Variants in CRYBB1 observed in about 807,000 individuals in gnomAD.
The protein encoded by CRYBB1 is beta-crystallin B1.
A neutral mutation model predicts 29.5 loss-of-function variants in CRYBB1; 16 were observed. The ratio of observed to expected loss-of-function variants is 0.54; its 90% CI spans 0.37 to 0.82. The LOEUF (loss-of-function observed/expected upper bound fraction) is 0.82, where lower values mean the gene tolerates loss of function less well. Ranked by LOEUF, CRYBB1 falls within the 40% of genes least tolerant of loss-of-function variation. The probability of loss-of-function intolerance (pLI) is 0.00; values close to 1 mark genes in which losing one functional copy is unlikely to be tolerated. For synonymous variants in CRYBB1, 127 were observed against 136.7 expected (o/e 0.93, Z 0.49); for missense variants, 300 against 350.5 (o/e 0.86, Z 1.15).
chr22:26,599,686 T>C lies in CRYBB1; in HGVS notation c.576-13A>G. On this transcript the variant is annotated splice_polypyrimidine_tract_variant and intron_variant, in intron 5 of 5. Transcript: ENST00000647684. ...ATAGCCAACCCATCTGAGAGAAAAGTGAGAAGGACAGAGTGGAGACAGCCT... is the reference window on the plus strand; with the variant it reads ...ATAGCCAACCCATCTGAGAGAAAAGCGAGAAGGACAGAGTGGAGACAGCCT... The C allele has an allele frequency of 1.2e-6, 2 of 1,612,524 alleles. No homozygotes were observed. The highest frequency in any genetic ancestry group is 2.2e-5 in the South Asian group (2 of 91,052).
intron 4 of CRYBB1, 83 bp downstream of exon 4, chr22:26,607,806 T>G (rs1602325170): frequency 6.3e-7 from 1 of 1,598,602 alleles, no homozygotes; most frequent in Admixed American, 1.7e-5. Flanking sequence ...CATCATCTCC[T>G]TCTTGCCCTT....
At chr22:26,616,602 G>A (rs1569208281) in intron 1 of CRYBB1, among the ~76,000 whole-genome samples, 1 of 152,046 alleles carries the variant, frequency 6.6e-6, no homozygotes, top group South Asian at 2.1e-4. Flanking sequence ...CCATTACCCC[G>A]CTAGGTCCTT....
chr22:26,605,796 A>G (rs1236603757), intron 4 of CRYBB1, among the ~76,000 whole-genome samples: 1 of 150,834 alleles, frequency 6.6e-6, no homozygotes, highest in Non-Finnish European at 1.5e-5. Flanking sequence ...TTCCCACGAC[A>G]GGGGGCTGGA....
chr22:26,600,513 A>G (rs1928788367), intron 5 of CRYBB1, among the ~76,000 whole-genome samples: 1 of 152,176 alleles, frequency 6.6e-6, no homozygotes, highest in South Asian at 2.1e-4. Flanking sequence ...TCTGCCATTG[A>G]TTTACTAGCT....
intron 4 of CRYBB1, among the ~76,000 whole-genome samples, chr22:26,607,264 C>T (rs1424926952): frequency 3.9e-5 from 6 of 152,096 alleles, no homozygotes; most frequent in African/African-American, 1.4e-4. Flanking sequence ...CTTGGGTAAC[C>T]ACCCACCTCA....
chr22:26,599,705 A>G (rs759908428), intron 5 of CRYBB1, 32 bp from the exon 6 acceptor site: 6 of 1,584,070 alleles, frequency 3.8e-6, no homozygotes, highest in Non-Finnish European at 5.2e-6. Flanking sequence ...CAGAGTGGAG[A>G]CAGCCTGTCT....
chr22:26,614,938 G>T (rs1180995705), intron 2 of CRYBB1, among the ~76,000 whole-genome samples: 6 of 152,128 alleles, frequency 3.9e-5, no homozygotes, highest in Admixed American at 3.9e-4. Context: ...ACAGACACAG[G>T]TTGAGGATAG....
chr22:26,606,067 A>T (rs1928968242), intron 4 of CRYBB1, among the ~76,000 whole-genome samples: 1 of 152,208 alleles, frequency 6.6e-6, no homozygotes, highest in African/African-American at 2.4e-5. Context: ...AGTGTATTTT[A>T]TGTGTAGCCC....
Position 26,599,657 on chromosome 22 carries a change from A to G in CRYBB1, c.592T>C (p.Tyr198His), listed in dbSNP as rs561349050. The G allele has an allele frequency of 9.3e-6, 15 of 1,614,090 alleles. 1 individual carries two copies. The South Asian group carries it at 1.6e-4, about 18-fold the overall frequency. ...TACTGGTACCCGCGGTAGCCAGGATACTGATAGCCAACCCATCTGAGAGAA... is the reference window on the plus strand; with the variant it reads ...TACTGGTACCCGCGGTAGCCAGGATGCTGATAGCCAACCCATCTGAGAGAA... The part of the protein sequence containing the change: ...VSSGTWVGYQ[Y>H]PGYRGYQYLL... Residue 198 changes from tyrosine (Y) to histidine (H), a missense_variant, in exon 6 of 6, where the codon TAT (tyrosine) becomes CAT (histidine). Physicochemically the swap from Tyr to His is moderately conservative, Grantham distance 83 (BLOSUM62 2). Transcript: ENST00000647684.
intron 4 of CRYBB1, among the ~76,000 whole-genome samples, chr22:26,603,490 A>G (rs1928885634): frequency 6.6e-6 from 1 of 151,800 alleles, no homozygotes; most frequent in African/African-American, 2.4e-5. Context: ...AGATCACACC[A>G]CTGCACTCCA....
intron 4 of CRYBB1, among the ~76,000 whole-genome samples, chr22:26,607,067 G>A (rs1015926367): frequency 8.0e-5 from 10 of 124,716 alleles, no homozygotes; most frequent in Non-Finnish European, 1.4e-4. Context: ...CCGTCACCCC[G>A]GCTGGAGTGC....
intron 4 of CRYBB1, among the ~76,000 whole-genome samples, chr22:26,603,647 G>A (rs1008934944): frequency 1.3e-5 from 2 of 152,070 alleles, no homozygotes; most frequent in Admixed American, 6.6e-5. Context: ...GCTCACGCCT[G>A]TAATCCCAGC....
intron 3 of CRYBB1, 65 bp from the exon 4 acceptor site, chr22:26,608,086 A>C: frequency 6.2e-7 from 1 of 1,612,284 alleles, no homozygotes; most frequent in Non-Finnish European, 8.5e-7. Flanking sequence ...CCCACTCCCT[A>C]CTTGCCTTTC....
chr22:26,614,403 C>T (rs370490881), intron 2 of CRYBB1, among the ~76,000 whole-genome samples: 3 of 151,974 alleles, frequency 2.0e-5, no homozygotes, highest in East Asian at 1.9e-4. Flanking sequence ...TCAAGCTGGC[C>T]GACGCTTAGG....
At chr22:26,616,397 G>T in intron 1 of CRYBB1, 59 bp from the exon 2 acceptor site, 1 of 1,141,758 alleles carries the variant, frequency 8.8e-7, no homozygotes, top group Non-Finnish European at 1.3e-6. Flanking sequence ...TGCCCTCATA[G>T]CCCCACATCC....
intron 4 of CRYBB1, among the ~76,000 whole-genome samples, chr22:26,605,140 T>C (rs928199572): frequency 2.0e-5 from 3 of 152,212 alleles, no homozygotes; most frequent in African/African-American, 7.2e-5. Flanking sequence ...GCTTCCCTGA[T>C]GACCCCCTGA....
intron 4 of CRYBB1, among the ~76,000 whole-genome samples, chr22:26,602,260 C>T (rs371119211): frequency 6.6e-5 from 10 of 152,100 alleles, no homozygotes; most frequent in East Asian, 1.9e-4. Context: ...GCACTGAGCA[C>T]GATGCCTGGC....
chr22:26,614,050 A>G (rs550535305), intron 2 of CRYBB1, among the ~76,000 whole-genome samples: 1 of 152,290 alleles, frequency 6.6e-6, no homozygotes, highest in South Asian at 2.1e-4. Flanking sequence ...TGCCTAATAA[A>G]TTTTGGCCAG....
At position 26,607,928 on chromosome 22, in the gene CRYBB1, G is replaced by C; in HGVS notation, c.393C>G (p.Tyr131Ter). The C allele has an allele frequency of 1.2e-6, 2 of 1,614,216 alleles. No homozygotes were observed. Among genetic ancestry groups the C allele is most frequent in the East Asian group, 2.2e-5 (1 of 44,890 alleles). The stretch of plus-strand genomic sequence containing the variant: ...GGAAGGACATGAGCCGATCACTGCG[G>C]TAGCTGCTCGACCATGTGTTCCAGC... Reference protein sequence around the residue: ...YPRWNTWSSSYRSDRLMSFRP... With the variant: ...YPRWNTWSSS Residue 131 changes from tyrosine (Y) to a stop codon, truncating the protein, a stop_gained, in exon 4 of 6, where the codon TAC (tyrosine) becomes TAG (stop). Coordinates refer to ENST00000647684, the MANE Select transcript of CRYBB1 (RefSeq NM_001887.4). LOFTEE classifies it high-confidence loss of function.
Sources: gnomAD v4.1 joint callset for allele counts (sites outside exome capture counted in the v4.1 genomes callset) on GRCh38, gnomAD v4.1.1 for gene constraint, MANE v1.5 for transcripts, NCBI Gene and HGNC (gene_info 2026-07-23, HGNC 2026-07-21) for gene names.